Variants in DROSHA observed in about 807,000 individuals in gnomAD.
DROSHA encodes the protein drosha ribonuclease III.
Under a neutral mutation model 181.9 loss-of-function variants are expected in DROSHA, and 56 were observed. That is an observed-to-expected ratio of 0.31 (90% CI 0.25 to 0.38). DROSHA has a LOEUF of 0.38. DROSHA is among the 10% of genes least tolerant of loss of function. The pLI, the probability that DROSHA is intolerant of heterozygous loss-of-function variation, is 1.00. For synonymous variants in DROSHA, 524 were observed against 591.2 expected (o/e 0.89, Z 1.65); for missense variants, 1,218 against 1,743.5 (o/e 0.70, Z 5.37).
chr5:31,422,958 G>A lies in DROSHA; in HGVS notation c.3262-14C>T. The A allele has an allele frequency of 1.3e-6, 2 of 1,517,972 alleles. No individual in the cohort carries two copies. Among genetic ancestry groups the A allele is most frequent in the Non-Finnish European group, 1.8e-6 (2 of 1,136,848 alleles). The allele number at this position is 1,517,972 out of a possible 1,614,324, so 94.0% of individuals were successfully genotyped here. A position where few individuals can be genotyped will look rare whatever the true frequency, so the allele number is the denominator to read the frequency against. ...TGGCTCTTGTAGCTACAGGAAAATAGAAATAAATAAAAATCATTTTTTCAT... is the reference window on the plus strand; with the variant it reads ...TGGCTCTTGTAGCTACAGGAAAATAAAAATAAATAAAAATCATTTTTTCAT... On this transcript the variant is annotated splice_polypyrimidine_tract_variant and intron_variant, in intron 28 of 35. Transcript: ENST00000344624.
At chr5:31,482,179 G>C (rs553780317) in intron 16 of DROSHA, among the ~76,000 whole-genome samples, 37 of 152,310 alleles carry the variant, frequency 2.4e-4, no homozygotes, top group African/African-American at 8.4e-4. Flanking sequence ...ACGAAGAAAA[G>C]CTCCCCAACC....
At chr5:31,482,808 A>G (rs552809471) in intron 16 of DROSHA, among the ~76,000 whole-genome samples, 1 of 150,902 alleles carries the variant, frequency 6.6e-6, no homozygotes, top group South Asian at 2.1e-4. Flanking sequence ...GATTTCATTA[A>G]AAATACTTTT....
intron 14 of DROSHA, among the ~76,000 whole-genome samples, chr5:31,486,173 A>G (rs1380879631): frequency 6.6e-6 from 1 of 152,222 alleles, no homozygotes; most frequent in East Asian, 1.9e-4. Context: ...TCACTATTCC[A>G]ATTTCCCCTC....
rs1741040940 is a variant in DROSHA at position 31,409,481 on chromosome 5, C to G, written c.3668-149G>C. On this transcript the variant is annotated intron_variant, in intron 31 of 35. Transcript: ENST00000344624. The surrounding 1 kb of genome is among the most constrained non-coding windows in gnomAD (Gnocchi z 4.0). ...TCAGTGCTACCATTTCATCTTCCCC[C>G]ACTTTTTATCATTAATATCAGAAGC... 1 of 652,764 alleles carries G rather than the reference C, an allele frequency of 1.5e-6. No individual in the cohort carries two copies. Among genetic ancestry groups the G allele is most frequent in the Admixed American group, 3.0e-5 (1 of 33,780 alleles). The allele number at this position is 652,764 out of a possible 1,614,324, so 40.4% of individuals were successfully genotyped here. A position where few individuals can be genotyped will look rare whatever the true frequency, so the allele number is the denominator to read the frequency against.
intron 28 of DROSHA, among the ~76,000 whole-genome samples, chr5:31,423,920 A>T (rs1218148545): frequency 1.3e-5 from 2 of 152,342 alleles, no homozygotes; most frequent in East Asian, 3.9e-4. Context: ...GTGAAAAGCT[A>T]TCACACTATA....
chr5:31,429,419 T>C lies in DROSHA; in HGVS notation c.3216+56A>G, dbSNP rs543933800. 5 of 1,478,698 alleles carry C rather than the reference T, an allele frequency of 3.4e-6. No homozygotes were observed. In the South Asian group the frequency reaches 5.1e-5, roughly 15 times the overall value. 91.6% of individuals were successfully genotyped at this position (1,478,698 alleles called of 1,614,324 possible). A position where few individuals can be genotyped will look rare whatever the true frequency, so the allele number is the denominator to read the frequency against. On this transcript the variant is annotated intron_variant, in intron 27 of 35. Coordinates refer to ENST00000344624, the MANE Select transcript of DROSHA (RefSeq NM_001382508.1). ...TTCAAATTACAAAGACCAGCTGAAATAAAATATTCTGTAATAATATATAAC... is the reference window on the plus strand; with the variant it reads ...TTCAAATTACAAAGACCAGCTGAAACAAAATATTCTGTAATAATATATAAC...
At chr5:31,403,801 C>T (rs551868528) in intron 35 of DROSHA, among the ~76,000 whole-genome samples, 10 of 152,272 alleles carry the variant, frequency 6.6e-5, no homozygotes, top group African/African-American at 1.7e-4. Context: ...GCCTACTATC[C>T]GGCCCTTTAC....
chr5:31,492,046 G>A (rs1215860972), intron 13 of DROSHA, among the ~76,000 whole-genome samples: 2 of 152,102 alleles, frequency 1.3e-5, no homozygotes, highest in Admixed American at 6.5e-5. Flanking sequence ...TGCCTACCTC[G>A]ACCTCCCAAA....
chr5:31,448,732 C>T (rs1746600104), intron 22 of DROSHA, 125 bp from the exon 23 acceptor site: 1 of 693,622 alleles, frequency 1.4e-6, no homozygotes, highest in African/African-American at 1.8e-5. Context: ...ATCTACCTGT[C>T]TAAAAGTGTG....
rs1169731112 is a variant in DROSHA at position 31,424,459 on chromosome 5, C to T, written c.3229G>A (p.Val1077Ile). ...LLFNDPDLRE[V>I]WLNYPLHPLQ... ...GGGTGGAGAGGATAATTGAGCCAGACTTCGCGCAGGTCCTGGAAAATGGAG... is the reference window on the plus strand; with the variant it reads ...GGGTGGAGAGGATAATTGAGCCAGATTTCGCGCAGGTCCTGGAAAATGGAG... Residue 1077 changes from valine (V) to isoleucine (I), a missense_variant, in exon 28 of 36, where the codon GTC becomes ATC. By Grantham distance (29) the Val-to-Ile change is conservative (BLOSUM62 3). Transcript: ENST00000344624. The T allele has an allele frequency of 6.3e-7, 1 of 1,596,068 alleles. No homozygotes were observed. Among genetic ancestry groups the T allele is most frequent in the Non-Finnish European group, 8.5e-7 (1 of 1,171,206 alleles).
intron 21 of DROSHA, 60 bp downstream of exon 21, chr5:31,451,473 C>G: frequency 7.2e-7 from 1 of 1,388,294 alleles, no homozygotes; most frequent in Admixed American, 1.9e-5. Flanking sequence ...CATTTGTGAC[C>G]TGCAAGATGA....
At position 31,437,226 on chromosome 5, in the gene DROSHA, A is replaced by C; in HGVS notation, c.2942+13T>G. ...TTATTGAGGAATTGTAAAAAACAAAAAAGCCTAATTACCTGGTCAGAAATT... is the reference window on the plus strand; with the variant it reads ...TTATTGAGGAATTGTAAAAAACAAACAAGCCTAATTACCTGGTCAGAAATT... On this transcript the variant is annotated intron_variant, in intron 24 of 35. Transcript: ENST00000344624. 1 of 1,563,258 alleles carries C rather than the reference A, an allele frequency of 6.4e-7. No homozygotes were observed. Among genetic ancestry groups the C allele is most frequent in the Non-Finnish European group, 8.7e-7 (1 of 1,153,028 alleles).
At position 31,401,262 on chromosome 5, in the gene DROSHA, AG is replaced by A. The variant is rs1280822266; in HGVS notation, c.*169del. On this transcript the variant is annotated 3_prime_UTR_variant, in exon 36 of 36. Coordinates refer to ENST00000344624, the MANE Select transcript of DROSHA (RefSeq NM_001382508.1). ...AGAAAAATCTAATACTTTGTAATAA[AG>A]ACCATCCAGCTAAAAACAGATCATT... 3.3e-6 allele frequency: 3 copies of A among 920,594 alleles called. No homozygotes were observed. The African/African-American group carries it at 5.0e-5, about 15-fold the overall frequency. The allele number at this position is 920,594 out of a possible 1,614,324, so 57.0% of individuals were successfully genotyped here. A position where few individuals can be genotyped will look rare whatever the true frequency, so the allele number is the denominator to read the frequency against.
chr5:31,422,721 T>C, intron 29 of DROSHA, 66 bp downstream of exon 29: 1 of 1,585,088 alleles, frequency 6.3e-7, no homozygotes, highest in East Asian at 2.3e-5. Flanking sequence ...AAGGGCATGC[T>C]CCAAAGGTCT....
chr5:31,451,643 A>AG lies in DROSHA; in HGVS notation c.2575-4dup. ...AGAACAGGTAGCATCATTGCATGCTAGGAAAAAAAAAATTCAATATGTTTA... is the reference window on the plus strand; with the variant it reads ...AGAACAGGTAGCATCATTGCATGCTAGGGAAAAAAAAAATTCAATATGTTTA... On this transcript the variant is annotated splice_region_variant and splice_polypyrimidine_tract_variant and intron_variant, in intron 20 of 35. Coordinates refer to ENST00000344624, the MANE Select transcript of DROSHA (RefSeq NM_001382508.1). 6.3e-7 allele frequency: 1 copy of AG among 1,596,636 alleles called. No individual in the cohort carries two copies.
chr5:31,525,329 CA>C (rs34043904), intron 5 of DROSHA, among the ~76,000 whole-genome samples: 1,374 of 46,026 alleles, frequency 0.03, 26 homozygotes, highest in African/African-American at 0.12. Context: ...GACTTCATCT[CA>C]AAAAAAAAAA....
chr5:31,428,680 G>A (rs1467917367), intron 27 of DROSHA, among the ~76,000 whole-genome samples: 1 of 151,996 alleles, frequency 6.6e-6, no homozygotes, highest in African/African-American at 2.4e-5. Context: ...CAGTAATAAC[G>A]TCTGACAGCC....
intron 16 of DROSHA, among the ~76,000 whole-genome samples, chr5:31,480,690 A>G (rs1216248883): frequency 6.6e-6 from 1 of 152,210 alleles, no homozygotes; most frequent in Non-Finnish European, 1.5e-5. Context: ...GAATACTTAG[A>G]TAAGGCATTA....
At chr5:31,414,243 G>A (rs979311615) in intron 30 of DROSHA, among the ~76,000 whole-genome samples, 1 of 152,090 alleles carries the variant, frequency 6.6e-6, no homozygotes, top group Admixed American at 6.6e-5. Context: ...TTGTTTTGGC[G>A]GAAGGATTTA....
Sources: gnomAD v4.1 joint callset for allele counts (sites outside exome capture counted in the v4.1 genomes callset) on GRCh38, gnomAD v4.1.1 for gene constraint, Gnocchi (gnomAD v3.1) non-coding constraint, MANE v1.5 for transcripts, NCBI Gene and HGNC (gene_info 2026-07-23, HGNC 2026-07-21) for gene names.